CDK14: variants seen among roughly 807,000 people sequenced by gnomAD.
CDK14 encodes cyclin-dependent kinase 14.
In CDK14, 34 loss-of-function variants were observed where a neutral mutation model predicts 60.7. The ratio of observed to expected loss-of-function variants is 0.56; its 90% CI spans 0.43 to 0.75. CDK14 has a LOEUF of 0.75. Among genes scored for constraint, CDK14 ranks in the 30% least tolerant of loss-of-function variants. CDK14 has a pLI of 0.00. For missense variants in CDK14, 482 were observed against 564.1 expected, an observed-to-expected ratio of 0.85 and a Z score of 1.47; for synonymous variants, 197 against 203.7, an observed-to-expected ratio of 0.97 and a Z score of 0.28.
chr7:91,157,477 G>A (rs1446425256), intron 14 of CDK14, among the ~76,000 whole-genome samples: 2 of 152,220 alleles, frequency 1.3e-5, no homozygotes, highest in African/African-American at 4.8e-5. Flanking sequence ...CTGATGCTGT[G>A]AGTTAAATGA....
chr7:91,201,769 TG>T (rs1437948297), intron 14 of CDK14, among the ~76,000 whole-genome samples: 5 of 152,214 alleles, frequency 3.3e-5, no homozygotes, highest in Non-Finnish European at 7.3e-5. Context: ...GTTTTTAATT[TG>T]GGTCTGTTTG....
chr7:90,605,354 C>T (rs1170706156), intron 2 of CDK14, among the ~76,000 whole-genome samples: 2 of 152,272 alleles, frequency 1.3e-5, no homozygotes, highest in Non-Finnish European at 1.5e-5. Context: ...AGCTGTGTGT[C>T]CCTGGACTCC....
chr7:91,095,090 C>T (rs576070864), intron 12 of CDK14, among the ~76,000 whole-genome samples: 11 of 152,144 alleles, frequency 7.2e-5, no homozygotes, highest in South Asian at 6.2e-4. Context: ...TCTAGAGTAG[C>T]GAGGACAGCA....
intron 2 of CDK14, among the ~76,000 whole-genome samples, chr7:90,716,130 G>A (rs992842956): frequency 6.6e-6 from 1 of 151,836 alleles, no homozygotes; most frequent in East Asian, 1.9e-4. Context: ...GACCTTTTTG[G>A]GATATTTAAT....
rs912950997 is a variant in CDK14 at position 91,117,986 on chromosome 7, G to T, written c.1295-79G>T. The stretch of plus-strand genomic sequence containing the variant: ...GCTGGGCATCCAAACTTGCATCTCA[G>T]TCTCCATTTTTTTAAAAAAAAAACA... On this transcript the variant is annotated intron_variant, in intron 13 of 14. Transcript: ENST00000380050. 2.5e-5 allele frequency: 19 copies of T among 773,602 alleles called. No individual in the cohort carries two copies. In the East Asian group the frequency reaches 5.3e-4, roughly 22 times the overall value. 47.9% of individuals were successfully genotyped at this position (773,602 alleles called of 1,614,324 possible).
chr7:90,789,908 T>C (rs867846485), intron 4 of CDK14, among the ~76,000 whole-genome samples: 1 of 152,120 alleles, frequency 6.6e-6, no homozygotes, highest in Non-Finnish European at 1.5e-5. Flanking sequence ...TTACTTTTAA[T>C]TGGCGCCAAC....
At chr7:90,965,095 T>C (rs1372603056) in intron 9 of CDK14, among the ~76,000 whole-genome samples, 1 of 152,186 alleles carries the variant, frequency 6.6e-6, no homozygotes, top group Non-Finnish European at 1.5e-5. Flanking sequence ...TCTCTCGGCT[T>C]TCTGATTTCT....
chr7:90,881,134 T>C (rs939604486), intron 6 of CDK14, among the ~76,000 whole-genome samples: 1 of 152,102 alleles, frequency 6.6e-6, no homozygotes, highest in African/African-American at 2.4e-5. Flanking sequence ...ATGGGTAATA[T>C]AAAACTACGG....
intron 9 of CDK14, among the ~76,000 whole-genome samples, chr7:90,956,839 C>G (rs1342605176): frequency 2.7e-5 from 4 of 150,056 alleles, no homozygotes; most frequent in African/African-American, 7.4e-5. Context: ...TGTTCAATTC[C>G]CACCTATGAG....
At chr7:90,603,866 G>T (rs1229980744) in intron 1 of CDK14, among the ~76,000 whole-genome samples, 1 of 152,154 alleles carries the variant, frequency 6.6e-6, no homozygotes, top group Non-Finnish European at 1.5e-5. Context: ...CAAAACCCAG[G>T]AGTTTAAGGG....
intron 4 of CDK14, among the ~76,000 whole-genome samples, chr7:90,786,845 G>A (rs567318581): frequency 1.0e-4 from 15 of 149,588 alleles, no homozygotes; most frequent in Admixed American, 6.7e-5. Context: ...CTTGAGCCCC[G>A]GAGATGGAGG....
At chr7:91,104,705 G>T (rs1486116357) in intron 12 of CDK14, among the ~76,000 whole-genome samples, 1 of 152,060 alleles carries the variant, frequency 6.6e-6, no homozygotes, top group East Asian at 1.9e-4. Flanking sequence ...TCTATAAGAG[G>T]CCTCTTGCCT....
intron 9 of CDK14, among the ~76,000 whole-genome samples, chr7:90,968,007 C>T (rs943015091): frequency 1.2e-4 from 19 of 152,132 alleles, no homozygotes; most frequent in Admixed American, 1.0e-3. Context: ...GAAGGATGGA[C>T]GTGGAGAATT....
chr7:90,908,871 G>C (rs1397166903), intron 7 of CDK14, among the ~76,000 whole-genome samples: 1 of 152,068 alleles, frequency 6.6e-6, no homozygotes, highest in Non-Finnish European at 1.5e-5. Context: ...GGTATAACTT[G>C]TTTTTGTGAT....
chr7:90,606,756 T>A (rs1279256882), intron 2 of CDK14, among the ~76,000 whole-genome samples: 4 of 152,222 alleles, frequency 2.6e-5, no homozygotes, highest in African/African-American at 9.6e-5. Flanking sequence ...TCAGTACGTA[T>A]CTATTGAATG....
rs537977987 is a variant in CDK14 at position 91,068,333 on chromosome 7, G to A, written c.1106-11099G>A. ...TCTTCAGCTAATGCACACCTTTATT[G>A]CATAATGGCTAGTTTCTGTTCTGAC... On this transcript the variant is annotated intron_variant, in intron 11 of 14. Coordinates refer to ENST00000380050, the MANE Select transcript of CDK14 (RefSeq NM_001287135.2). Among the ~76,000 whole-genome samples the A allele has an allele frequency of 3.3e-4, 51 of 152,264 alleles. No individual in the cohort carries two copies. In the South Asian group the frequency reaches 0.011, roughly 32 times the overall value.
chr7:91,175,064 C>T (rs1163915337), intron 14 of CDK14, among the ~76,000 whole-genome samples: 2 of 144,442 alleles, frequency 1.4e-5, no homozygotes, highest in Non-Finnish European at 3.0e-5. Flanking sequence ...AGAGAAAGGT[C>T]GGGTTACCCT....
Position 90,773,891 on chromosome 7 carries a change from C to CCTCTCCT in CDK14, c.465-16678_465-16677insCCTCTCT, listed in dbSNP as rs1353472987. 2.4e-3 allele frequency among the ~76,000 whole-genome samples: 190 copies of CCTCTCCT among 80,360 alleles called. 2 individuals carry two copies. The highest frequency in any genetic ancestry group is 5.5e-3 in the South Asian group (12 of 2,190). 52.7% of individuals were successfully genotyped at this position (80,360 alleles called of 152,430 possible). On this transcript the variant is annotated intron_variant, in intron 4 of 14. Transcript: ENST00000380050. Reference sequence around the variant, plus strand: ...CCTCTCCTCTCCTCTCCTCTCCTCTCCTCTTTTCTTTCTTTTTTTTTTTTT... The same window carrying CCTCTCCT: ...CCTCTCCTCTCCTCTCCTCTCCTCTCCTCTCCTCTCTTTTCTTTCTTTTTTTTTTTTT...
chr7:90,713,938 A>G (rs936228673), intron 2 of CDK14, among the ~76,000 whole-genome samples: 2 of 152,062 alleles, frequency 1.3e-5, no homozygotes, highest in Non-Finnish European at 2.9e-5. Context: ...ATTAATTGGG[A>G]AGCTATTTTT....
Sources: gnomAD v4.1 joint callset for allele counts (sites outside exome capture counted in the v4.1 genomes callset) on GRCh38, gnomAD v4.1.1 for gene constraint, MANE v1.5 for transcripts, NCBI Gene and HGNC (gene_info 2026-07-23, HGNC 2026-07-21) for gene names.